Variants in FERRY3 observed in about 807,000 individuals in gnomAD.
FERRY3 encodes the protein FERRY endosomal RAB5 effector complex subunit 3, also known as protein C12orf4.
At chr12:4,515,769 C>A in the FERRY3 span, among the ~76,000 whole-genome samples, 1 of 152,102 alleles carries the variant, frequency 6.6e-6, no homozygotes, top group African/African-American at 2.4e-5. Flanking sequence ...CTAGTGTATA[C>A]TTGAAATTCA....
chr12:4,523,820 G>A, the FERRY3 span, among the ~76,000 whole-genome samples: 3 of 152,134 alleles, frequency 2.0e-5, no homozygotes, highest in Non-Finnish European at 4.4e-5. Flanking sequence ...GGGGTTGGGG[G>A]AGGGGGAAGG....
the FERRY3 span, among the ~76,000 whole-genome samples, chr12:4,535,195 C>G: frequency 3.3e-5 from 5 of 152,278 alleles, no homozygotes; most frequent in Middle Eastern, 3.4e-3. The surrounding 1 kb of genome is among the most constrained non-coding windows in gnomAD (Gnocchi z 4.0). Flanking sequence ...TCACTATGTT[C>G]GCGACTTTAG....
chr12:4,497,157 G>A, the FERRY3 span, among the ~76,000 whole-genome samples: 2 of 152,164 alleles, frequency 1.3e-5, no homozygotes, highest in Non-Finnish European at 2.9e-5. Context: ...ATAGTAGAAT[G>A]TATAAATAAC....
the FERRY3 span, among the ~76,000 whole-genome samples, chr12:4,531,502 G>A: frequency 3.3e-5 from 5 of 152,284 alleles, no homozygotes; most frequent in Admixed American, 1.3e-4. Context: ...AGATACCTAC[G>A]TGAGAAGAAC....
the FERRY3 span, among the ~76,000 whole-genome samples, chr12:4,532,514 A>T: frequency 6.6e-6 from 1 of 152,182 alleles, no homozygotes; most frequent in Non-Finnish European, 1.5e-5. Context: ...CCAGATAGTC[A>T]TCGTTTACCT....
the FERRY3 span, among the ~76,000 whole-genome samples, chr12:4,526,085 T>C: frequency 6.6e-6 from 1 of 152,290 alleles, no homozygotes; most frequent in East Asian, 1.9e-4. Flanking sequence ...AGACGTAAAA[T>C]ACAGTCTGAA....
the FERRY3 span, among the ~76,000 whole-genome samples, chr12:4,496,928 C>T: frequency 9.2e-5 from 14 of 152,212 alleles, no homozygotes; most frequent in South Asian, 2.1e-4. Flanking sequence ...TCTTATTTTT[C>T]GCATTCAATA....
At chr12:4,526,493 G>A in the FERRY3 span, among the ~76,000 whole-genome samples, 4 of 152,116 alleles carry the variant, frequency 2.6e-5, no homozygotes, top group Non-Finnish European at 5.9e-5. Context: ...ACAAAACACA[G>A]ATATAAACTA....
chr12:4,526,515 T>G, the FERRY3 span, among the ~76,000 whole-genome samples: 1 of 152,190 alleles, frequency 6.6e-6, no homozygotes, highest in Non-Finnish European at 1.5e-5. Context: ...GAGGATTTTA[T>G]CATCCTAGTT....
chr12:4,502,764 C>A, the FERRY3 span, among the ~76,000 whole-genome samples: 1 of 152,148 alleles, frequency 6.6e-6, no homozygotes, highest in Non-Finnish European at 1.5e-5. This position sits in a 1 kb window ranked among gnomAD's most constrained non-coding sequence, Gnocchi z 4.2. Context: ...TCCACAGATG[C>A]CTCTGACAGG....
the FERRY3 span, among the ~76,000 whole-genome samples, chr12:4,495,749 GC>G: frequency 6.6e-6 from 1 of 152,120 alleles, no homozygotes; most frequent in African/African-American, 2.4e-5. Flanking sequence ...TTAATACCCT[GC>G]TTTCTTGCTT....
the FERRY3 span, chr12:4,525,022 A>T: frequency 4.6e-6 from 2 of 438,648 alleles, no homozygotes; most frequent in Non-Finnish European, 8.0e-6. Flanking sequence ...AGGTGTATGT[A>T]TCTAGAACAT....
the FERRY3 span, among the ~76,000 whole-genome samples, chr12:4,504,940 A>C: frequency 2.0e-5 from 3 of 152,060 alleles, no homozygotes; most frequent in Non-Finnish European, 4.4e-5. Context: ...CCATCTCTAC[A>C]AAAAATACAA....
chr12:4,537,153 C>T, the FERRY3 span, among the ~76,000 whole-genome samples: 1 of 152,312 alleles, frequency 6.6e-6, no homozygotes, highest in East Asian at 1.9e-4. Flanking sequence ...CTTCTGTCAA[C>T]ACCAAACTTC....
chr12:4,518,854 T>C, the FERRY3 span: 1 of 1,585,904 alleles, frequency 6.3e-7, no homozygotes, highest in Admixed American at 1.8e-5. Flanking sequence ...TTCTCTGAAC[T>C]GACTTGGCTG....
the FERRY3 span, chr12:4,505,360 C>T: frequency 3.7e-6 from 6 of 1,605,386 alleles, no homozygotes; most frequent in African/African-American, 1.3e-5. Context: ...TCATCATTTC[C>T]TCCATTTTGG....
chr12:4,489,762 A>C, the FERRY3 span: 1 of 1,373,748 alleles, frequency 7.3e-7, no homozygotes, highest in Non-Finnish European at 1.0e-6. Flanking sequence ...AAGTTCCTGG[A>C]GAGTTTAACA....
the FERRY3 span, chr12:4,529,776 T>A: frequency 9.0e-7 from 1 of 1,107,348 alleles, no homozygotes; most frequent in Non-Finnish European, 1.3e-6. Context: ...TTCTATCTTA[T>A]CCTTTTTGTA....
chr12:4,516,939 T>A, the FERRY3 span: 1 of 971,242 alleles, frequency 1.0e-6, no homozygotes. Flanking sequence ...CTTAAAAAAA[T>A]CTTAATTTTG....
Sources: allele counts gnomAD v4.1 joint callset (sites outside exome capture counted in the v4.1 genomes callset), GRCh38; gene constraint gnomAD v4.1.1; non-coding constraint Gnocchi (gnomAD v3.1); transcripts MANE v1.5; gene names NCBI Gene and HGNC (gene_info 2026-07-23, HGNC 2026-07-21).